The following ZYG11A variants were observed in gnomAD, a reference collection of about 807,000 sequenced individuals.
The protein encoded by ZYG11A is protein zyg-11 homolog A.
In ZYG11A, 62 loss-of-function variants were observed where a neutral mutation model predicts 77.2. The observed-to-expected ratio is 0.80, with a 90% CI of 0.65 to 0.99. ZYG11A has a LOEUF of 0.99. ZYG11A is among the 50% of genes least tolerant of loss of function. The pLI, the probability that ZYG11A is intolerant of heterozygous loss-of-function variation, is 0.00. For missense variants in ZYG11A, 828 were observed against 896.8 expected (o/e 0.92, Z 0.98); for synonymous variants, 315 against 324.6 (o/e 0.97, Z 0.32).
At chr1:52,882,887 A>G (rs942231745) in intron 11 of ZYG11A, among the ~76,000 whole-genome samples, 3 of 150,986 alleles carry the variant, frequency 2.0e-5, no homozygotes, top group East Asian at 1.9e-4. Flanking sequence ...TTATTTTCAT[A>G]TATTTTGTTG....
At chr1:52,881,350 G>T in intron 10 of ZYG11A, 121 bp from the exon 11 acceptor site, 2 of 641,580 alleles carry the variant, frequency 3.1e-6, no homozygotes, top group South Asian at 5.0e-5. Context: ...AGGCGGAGGC[G>T]GGTATAAGAA....
chr1:52,891,217 C>T (rs1646537405), intron 13 of ZYG11A, among the ~76,000 whole-genome samples: 1 of 151,974 alleles, frequency 6.6e-6, no homozygotes, highest in Non-Finnish European at 1.5e-5. Flanking sequence ...TCTAAATCTG[C>T]TCTTGGACTG....
Position 52,854,355 on chromosome 1 carries a change from A to T in ZYG11A, c.91-110A>T, listed in dbSNP as rs1645767965. Reference sequence around the variant, plus strand: ...ATAAATCATTACTAGAGTATGAAGGATGTATCTTCAGATACTCTCATCAAG... The same window carrying T: ...ATAAATCATTACTAGAGTATGAAGGTTGTATCTTCAGATACTCTCATCAAG... On this transcript the variant is annotated intron_variant, in intron 1 of 13. Coordinates refer to ENST00000371528, the MANE Select transcript of ZYG11A (RefSeq NM_001004339.3). 6.1e-6 allele frequency: 6 copies of T among 984,244 alleles called. No homozygotes were observed. In the South Asian group the frequency reaches 1.0e-4, roughly 17 times the overall value. The allele number at this position is 984,244 out of a possible 1,614,324, so 61.0% of individuals were successfully genotyped here.
intron 8 of ZYG11A, among the ~76,000 whole-genome samples, chr1:52,869,481 C>G (rs1201245465): frequency 6.6e-6 from 1 of 151,682 alleles, no homozygotes; most frequent in Non-Finnish European, 1.5e-5. Context: ...TTCTGTTTAG[C>G]AAAGCACATC....
In ZYG11A at chr1:52,866,492, T is replaced by C. The variant is rs1382031177; in HGVS notation, c.1327-11T>C. On this transcript the variant is annotated splice_polypyrimidine_tract_variant and intron_variant, in intron 5 of 13. Transcript: ENST00000371528. ...ATTTGTTCAAAATTATTTTTCTTTA[T>C]TCTCTAAAAGTTACAGAAGAATTGT... is the stretch of plus-strand genomic sequence containing the variant. 1 of 1,434,522 alleles carries C rather than the reference T, an allele frequency of 7.0e-7. No homozygotes were observed. The highest frequency in any genetic ancestry group is 9.6e-7 in the Non-Finnish European group (1 of 1,043,596). 88.9% of individuals were successfully genotyped at this position (1,434,522 alleles called of 1,614,324 possible).
At chr1:52,885,217 C>G (rs1028374692) in intron 11 of ZYG11A, among the ~76,000 whole-genome samples, 11 of 151,302 alleles carry the variant, frequency 7.3e-5, no homozygotes, top group Non-Finnish European at 1.3e-4. Context: ...CCCACTCCTC[C>G]TATTTACAGC....
At chr1:52,868,141 T>C (rs962004015) in intron 8 of ZYG11A, among the ~76,000 whole-genome samples, 6 of 151,740 alleles carry the variant, frequency 4.0e-5, no homozygotes, top group Non-Finnish European at 4.4e-5. Context: ...AATTTTTGTA[T>C]TTTTAGTAGA....
chr1:52,878,949 CAAAAAAAAAAAAAA>C (rs914463472), intron 10 of ZYG11A, among the ~76,000 whole-genome samples: 3 of 27,260 alleles, frequency 1.1e-4, no homozygotes, highest in Admixed American at 6.0e-4. Flanking sequence ...AAACTCTGCT[CAAAAAAAAAAAAAA>C]AAAAAAAAAA....
rs1645911755 is a variant in ZYG11A, at chr1:52,860,747, G to C, written c.1025G>C (p.Ser342Thr). 1.9e-6 allele frequency: 3 copies of C among 1,551,678 alleles called. No individual in the cohort carries two copies. The highest frequency in any genetic ancestry group is 2.6e-6 in the Non-Finnish European group (3 of 1,146,976). ...TATTTTCAGGTTGCTGGAGGAGCCA[G>C]TATGAGTCAGATTTCAGAAGCACTG... ...KQGLRVAGGASMSQISEALSR... is the reference protein window; with the variant it reads ...KQGLRVAGGATMSQISEALSR... Residue 342 changes from serine to threonine, a missense_variant, in exon 4 of 14, where the codon AGT becomes ACT. By Grantham distance (58) the Ser-to-Thr change is moderately conservative (BLOSUM62 1). Transcript: ENST00000371528.
chr1:52,862,303 ATTTTTTTTTGGTTTTTT>A (rs1246038580), intron 4 of ZYG11A, among the ~76,000 whole-genome samples: 4 of 145,200 alleles, frequency 2.8e-5, no homozygotes, highest in African/African-American at 1.0e-4. Flanking sequence ...TGAGCCCAGG[ATTTTTTTTTGGTTTTTT>A]TTTTTTTTTG....
In ZYG11A at chr1:52,874,362, A is replaced by G. The variant is rs182991754; in HGVS notation, c.1543-3320A>G. ...TGGGCTCAAGTGATCTTCCTGCCTCAGCCTCCTGAGTGGCTGGGGCCACAG... is the reference window on the plus strand; with the variant it reads ...TGGGCTCAAGTGATCTTCCTGCCTCGGCCTCCTGAGTGGCTGGGGCCACAG... On this transcript the variant is annotated intron_variant, in intron 8 of 13. Coordinates refer to ENST00000371528, the MANE Select transcript of ZYG11A (RefSeq NM_001004339.3). Among the ~76,000 whole-genome samples, 95 of 151,880 alleles carry G rather than the reference A, an allele frequency of 6.3e-4. 1 individual carries two copies. Among genetic ancestry groups the G allele is most frequent in the African/African-American group, 2.1e-3 (88 of 41,418 alleles).
At chr1:52,883,920 C>T (rs1353521078) in intron 11 of ZYG11A, among the ~76,000 whole-genome samples, 1 of 148,686 alleles carries the variant, frequency 6.7e-6, no homozygotes, top group Non-Finnish European at 1.5e-5. Flanking sequence ...TGCTCTGTCA[C>T]CCAGGCTGGA....
rs776725631 is a variant in ZYG11A, at chr1:52,877,695, T to C, written c.1556T>C (p.Ile519Thr). ...LFMAVKELLAIVKQKTTENLD... is the reference protein window; with the variant it reads ...LFMAVKELLATVKQKTTENLD... ...TTTGGTTTTTAGGAACTTCTAGCAA[T>C]AGTAAAACAAAAGACTACTGAGAAT... Residue 519 changes from isoleucine (I) to threonine (T), a missense_variant, in exon 9 of 14, where the codon ATA becomes ACA. By Grantham distance (89) the Ile-to-Thr change is moderately conservative. Transcript: ENST00000371528. 6 of 1,548,814 alleles carry C rather than the reference T, an allele frequency of 3.9e-6. No homozygotes were observed. The highest frequency in any genetic ancestry group is 2.0e-5 in the Admixed American group (1 of 50,020).
intron 1 of ZYG11A, among the ~76,000 whole-genome samples, chr1:52,852,473 C>T (rs539856017): frequency 6.6e-6 from 1 of 151,106 alleles, no homozygotes; most frequent in South Asian, 2.1e-4. Flanking sequence ...AAGGGATTCT[C>T]CTGCCTCAAG....
rs1235448784 is a variant in ZYG11A, at chr1:52,842,857, T to C, written c.-27T>C. 6.6e-7 allele frequency: 1 copy of C among 1,526,306 alleles called. No individual in the cohort carries two copies. The highest frequency in any genetic ancestry group is 8.8e-7 in the Non-Finnish European group (1 of 1,135,920). The allele number at this position is 1,526,306 out of a possible 1,614,324, so 94.5% of individuals were successfully genotyped here. A position where few individuals can be genotyped will look rare whatever the true frequency, so the allele number is the denominator to read the frequency against. Reference sequence around the variant, plus strand: ...GGCTCCGGCTCGACGCCGGCTCTCTTTTTGACGCCCCGCCGCCGGGGTTGC... The same window carrying C: ...GGCTCCGGCTCGACGCCGGCTCTCTCTTTGACGCCCCGCCGCCGGGGTTGC... On this transcript the variant is annotated 5_prime_UTR_variant, in exon 1 of 14. Coordinates refer to ENST00000371528, the MANE Select transcript of ZYG11A (RefSeq NM_001004339.3).
At position 52,893,088 on chromosome 1, in the gene ZYG11A, T is replaced by A; in HGVS notation, c.*131T>A. The A allele has an allele frequency of 1.2e-6, 1 of 810,524 alleles. No individual in the cohort carries two copies. The highest frequency in any genetic ancestry group is 1.9e-6 in the Non-Finnish European group (1 of 528,904). The allele number at this position is 810,524 out of a possible 1,614,324, so 50.2% of individuals were successfully genotyped here. A position where few individuals can be genotyped will look rare whatever the true frequency, so the allele number is the denominator to read the frequency against. On this transcript the variant is annotated 3_prime_UTR_variant, in exon 14 of 14. Transcript: ENST00000371528. ...TTGGCCTTTGATTGTTGATTTTATA[T>A]ATGTTACAAAAGGTTGGATTTGTAT...
At chr1:52,848,773 A>G (rs1022383628) in intron 1 of ZYG11A, among the ~76,000 whole-genome samples, 2 of 152,210 alleles carry the variant, frequency 1.3e-5, no homozygotes, top group African/African-American at 4.8e-5. Context: ...AGGCTGAGGC[A>G]CGAGAATGGC....
chr1:52,866,651 G>A, intron 6 of ZYG11A, 84 bp downstream of exon 6: 1 of 796,804 alleles, frequency 1.3e-6, no homozygotes, highest in African/African-American at 1.7e-5. Flanking sequence ...GGGATAAGGT[G>A]TTTGGAGAGA....
At position 52,888,796 on chromosome 1, in the gene ZYG11A, C is replaced by T. The variant is rs375343473; in HGVS notation, c.2104+1743C>T. On this transcript the variant is annotated intron_variant, in intron 13 of 13. Coordinates refer to ENST00000371528, the MANE Select transcript of ZYG11A (RefSeq NM_001004339.3). Reference sequence around the variant, plus strand: ...TGATCAGGCAACTGCCTACTTCCAGCCTGGGGAACAGAGCAAGACTCCTGT... The same window carrying T: ...TGATCAGGCAACTGCCTACTTCCAGTCTGGGGAACAGAGCAAGACTCCTGT... 1.4e-4 allele frequency among the ~76,000 whole-genome samples: 22 copies of T among 152,260 alleles called. 1 individual carries two copies. The East Asian group carries it at 4.1e-3, about 28-fold the overall frequency.
Sources: gnomAD v4.1 joint callset for allele counts (sites outside exome capture counted in the v4.1 genomes callset) on GRCh38, gnomAD v4.1.1 for gene constraint, MANE v1.5 for transcripts, NCBI Gene and HGNC (gene_info 2026-07-23, HGNC 2026-07-21) for gene names.